The following TSPAN9 variants were observed in gnomAD, a reference collection of about 807,000 sequenced individuals.
TSPAN9 encodes tetraspanin-9.
TSPAN9 carries 16 observed loss-of-function variants against 31.0 expected under a neutral mutation model. That is an observed-to-expected ratio of 0.52 (90% CI 0.35 to 0.78). TSPAN9 has a LOEUF of 0.78. TSPAN9 is among the 30% of genes least tolerant of loss of function. TSPAN9 has a pLI of 0.01. For missense variants in TSPAN9, 272 were observed against 312.5 expected (o/e 0.87, Z 0.98); for synonymous variants, 145 against 121.6 (o/e 1.19, Z -1.27).
intron 2 of TSPAN9, among the ~76,000 whole-genome samples, chr12:3,148,216 A>AG (rs35594248): frequency 0.17 from 25,782 of 152,192 alleles, 2,424 homozygotes; most frequent in Non-Finnish European, 0.22. Flanking sequence ...AAGGAAACTG[A>AG]GGCCCATCAT....
intron 2 of TSPAN9, among the ~76,000 whole-genome samples, chr12:3,142,502 G>A (rs939885792): frequency 1.3e-5 from 2 of 152,178 alleles, no homozygotes; most frequent in African/African-American, 2.4e-5. Context: ...AATGTAAGGC[G>A]ATGATTATTT....
At chr12:3,140,070 G>A (rs2098334064) in intron 2 of TSPAN9, among the ~76,000 whole-genome samples, 1 of 152,200 alleles carries the variant, frequency 6.6e-6, no homozygotes, top group South Asian at 2.1e-4. Flanking sequence ...TTAGGCCTAG[G>A]AAGGGTATCT....
At position 3,283,228 on chromosome 12, in the gene TSPAN9, A is replaced by C; in HGVS notation, c.*112A>C. 9 of 1,105,190 alleles carry C rather than the reference A, an allele frequency of 8.1e-6. No individual in the cohort carries two copies. The highest frequency in any genetic ancestry group is 1.6e-5 in the African/African-American group (1 of 63,762). 68.5% of individuals were successfully genotyped at this position (1,105,190 alleles called of 1,614,324 possible). A position where few individuals can be genotyped will look rare whatever the true frequency, so the allele number is the denominator to read the frequency against. ...GATATGACCCCTGCACCCACCCCCC[A>C]CAGCCTGCCCTACCCCACCTACCCT... On this transcript the variant is annotated 3_prime_UTR_variant, in exon 9 of 9. Coordinates refer to ENST00000011898, the MANE Select transcript of TSPAN9 (RefSeq NM_006675.5).
intron 3 of TSPAN9, among the ~76,000 whole-genome samples, chr12:3,261,330 A>G (rs868270172): frequency 6.6e-6 from 1 of 152,138 alleles, no homozygotes; most frequent in Non-Finnish European, 1.5e-5. Context: ...TACCGTATGC[A>G]TTTTTGGAGG....
intron 3 of TSPAN9, among the ~76,000 whole-genome samples, chr12:3,226,794 A>ATTTTTTTTTTTTTTT (rs1203426057): frequency 6.1e-5 from 1 of 16,398 alleles, no homozygotes; most frequent in Non-Finnish European, 1.0e-4. Flanking sequence ...ATATATATAT[A>ATTTTTTTTTTTTTTT]TTTTTTTTTT....
intron 2 of TSPAN9, among the ~76,000 whole-genome samples, chr12:3,092,359 T>C (rs533332338): frequency 1.3e-5 from 2 of 152,330 alleles, no homozygotes; most frequent in South Asian, 2.1e-4. Context: ...CTGAGGCATC[T>C]TTTGGCCCAG....
chr12:3,167,212 G>A (rs1221638607), intron 2 of TSPAN9, among the ~76,000 whole-genome samples: 3 of 152,194 alleles, frequency 2.0e-5, no homozygotes, highest in Admixed American at 2.0e-4. Flanking sequence ...AGTGGCTGTA[G>A]TTCATTGATG....
chr12:3,150,734 G>A (rs2098339332), intron 2 of TSPAN9, among the ~76,000 whole-genome samples: 1 of 152,130 alleles, frequency 6.6e-6, no homozygotes, highest in South Asian at 2.1e-4. Flanking sequence ...TGATTTCAGG[G>A]TGCTGAGTTC....
intron 2 of TSPAN9, among the ~76,000 whole-genome samples, chr12:3,191,446 C>T (rs912997287): frequency 3.9e-5 from 6 of 151,996 alleles, no homozygotes; most frequent in African/African-American, 7.3e-5. Context: ...TCATAGGGTG[C>T]GGATTTCAGG....
chr12:3,281,662 T>A (rs1591724464), intron 7 of TSPAN9, 72 bp from the exon 8 acceptor site: 1 of 1,505,882 alleles, frequency 6.6e-7, no homozygotes, highest in East Asian at 2.3e-5. Flanking sequence ...AAGGAGAGAG[T>A]GAGCTGGGGG....
At chr12:3,270,627 A>C (rs1245264229) in intron 3 of TSPAN9, among the ~76,000 whole-genome samples, 4 of 152,252 alleles carry the variant, frequency 2.6e-5, no homozygotes, top group Non-Finnish European at 5.9e-5. Context: ...CCCTGCTCCC[A>C]GCTAGGGGCC....
At chr12:3,178,152 T>C (rs2098356856) in intron 2 of TSPAN9, among the ~76,000 whole-genome samples, 1 of 152,162 alleles carries the variant, frequency 6.6e-6, no homozygotes, top group Admixed American at 6.6e-5. Context: ...TTATGAACTT[T>C]CCTCACCGTC....
At chr12:3,249,571 G>A (rs1441937705) in intron 3 of TSPAN9, among the ~76,000 whole-genome samples, 2 of 152,174 alleles carry the variant, frequency 1.3e-5, no homozygotes, top group Non-Finnish European at 2.9e-5. Context: ...CATGCCCGAC[G>A]TTCCTGAGGG....
chr12:3,179,328 G>A (rs1480133496), intron 2 of TSPAN9, among the ~76,000 whole-genome samples: 1 of 152,118 alleles, frequency 6.6e-6, no homozygotes, highest in Non-Finnish European at 1.5e-5. Flanking sequence ...GCCCAGGGTG[G>A]TAGCTAGCAC....
At chr12:3,132,548 C>T (rs1372467735) in intron 2 of TSPAN9, among the ~76,000 whole-genome samples, 1 of 152,046 alleles carries the variant, frequency 6.6e-6, no homozygotes. Context: ...TCAGTTCCCG[C>T]ATTCCTGTTT....
At chr12:3,093,731 C>G (rs2098306188) in intron 2 of TSPAN9, among the ~76,000 whole-genome samples, 1 of 152,190 alleles carries the variant, frequency 6.6e-6, no homozygotes. Context: ...AAGACCCCAT[C>G]CTACCTTAAA....
chr12:3,214,792 C>T (rs1468927408), intron 3 of TSPAN9, among the ~76,000 whole-genome samples: 5 of 152,238 alleles, frequency 3.3e-5, no homozygotes, highest in East Asian at 1.9e-4. Context: ...ACAGAACTGT[C>T]GCGGCTCCTT....
rs2098387663 is a variant in TSPAN9, at chr12:3,226,740, GTGTGTATATA to G, written c.63+25486_63+25495del. Among the ~76,000 whole-genome samples, 14 of 13,154 alleles carry G rather than the reference GTGTGTATATA, an allele frequency of 1.1e-3. 3 individuals are homozygous for G. Among genetic ancestry groups the G allele is most frequent in the South Asian group, 5.5e-3 (2 of 364 alleles). The allele number at this position is 13,154 out of a possible 152,430, so 8.6% of individuals were successfully genotyped here. ...TGTATGTGTGTGTGTGTGTGTGTGT[GTGTGTATATA>G]TATATATATATATATATATATATAT... On this transcript the variant is annotated intron_variant, in intron 3 of 8. Coordinates refer to ENST00000011898, the MANE Select transcript of TSPAN9 (RefSeq NM_006675.5).
At chr12:3,231,000 C>T (rs10848833) in intron 3 of TSPAN9, among the ~76,000 whole-genome samples, 89,760 of 151,928 alleles carry the variant, frequency 0.59, 26,868 homozygotes, top group South Asian at 0.82. Flanking sequence ...AAGGGCCCAG[C>T]GTGACCTACA....
Sources: allele counts gnomAD v4.1 joint callset (sites outside exome capture counted in the v4.1 genomes callset), GRCh38; gene constraint gnomAD v4.1.1; transcripts MANE v1.5; gene names NCBI Gene and HGNC (gene_info 2026-07-23, HGNC 2026-07-21).